The following STAG1 variants were observed in gnomAD, a reference collection of about 807,000 sequenced individuals.
STAG1 encodes the protein STAG1 cohesin complex component.
In STAG1, 26 loss-of-function variants were observed where a neutral mutation model predicts 170.9. The ratio of observed to expected loss-of-function variants is 0.15; its 90% CI spans 0.11 to 0.21. The LOEUF is 0.21. STAG1 is among the 10% of genes least tolerant of loss of function. STAG1 has a pLI of 1.00. For missense variants in STAG1, 964 were observed against 1,509.5 expected, an observed-to-expected ratio of 0.64 and a Z score of 5.99; for synonymous variants, 514 against 497.7, an observed-to-expected ratio of 1.03 and a Z score of -0.44.
chr3:136,529,710 A>G (rs780334917), intron 6 of STAG1, among the ~76,000 whole-genome samples: 10 of 152,210 alleles, frequency 6.6e-5, no homozygotes, highest in Middle Eastern at 3.2e-3. Flanking sequence ...ACACAAAAGT[A>G]TAAGTCTCAC....
intron 23 of STAG1, among the ~76,000 whole-genome samples, chr3:136,371,840 C>T (rs562686530): frequency 6.6e-6 from 1 of 152,288 alleles, no homozygotes; most frequent in African/African-American, 2.4e-5. Flanking sequence ...GCAATACAGG[C>T]TCTTTTTTGG....
At chr3:136,715,279 T>C (rs927376885) in intron 1 of STAG1, among the ~76,000 whole-genome samples, 2 of 150,958 alleles carry the variant, frequency 1.3e-5, no homozygotes, top group East Asian at 2.0e-4. Flanking sequence ...TCCCAAAGTG[T>C]TGGGATGACA....
intron 6 of STAG1, among the ~76,000 whole-genome samples, chr3:136,535,271 A>G (rs908487557): frequency 1.3e-5 from 2 of 152,224 alleles, no homozygotes; most frequent in African/African-American, 4.8e-5. Context: ...TTGGGTAAAT[A>G]GTTATAAACT....
chr3:136,616,765 A>G (rs1939617146), intron 3 of STAG1, among the ~76,000 whole-genome samples: 1 of 152,108 alleles, frequency 6.6e-6, no homozygotes, highest in South Asian at 2.1e-4. Context: ...CGGTGTGGTG[A>G]TGCATGACTG....
rs1342303215 is a variant in STAG1 at position 136,390,678 on chromosome 3, C to T, written c.2277+8071G>A. ...TAAAAATTTGTTCCTACAAGGATCACTATTATTTCTCACGCCTGGCCCCAC... is the reference window on the plus strand; with the variant it reads ...TAAAAATTTGTTCCTACAAGGATCATTATTATTTCTCACGCCTGGCCCCAC... On this transcript the variant is annotated intron_variant, in intron 22 of 33. Transcript: ENST00000383202. 3.3e-5 allele frequency among the ~76,000 whole-genome samples: 5 copies of T among 152,182 alleles called. No homozygotes were observed. In the East Asian group the frequency reaches 9.6e-4, roughly 29 times the overall value.
intron 4 of STAG1, among the ~76,000 whole-genome samples, chr3:136,584,483 T>C (rs1173537842): frequency 1.3e-5 from 2 of 152,204 alleles, no homozygotes; most frequent in Admixed American, 6.5e-5. Context: ...CTTGCCAGGA[T>C]TCCTACCACC....
intron 26 of STAG1, among the ~76,000 whole-genome samples, chr3:136,360,462 T>C (rs1341466190): frequency 6.6e-6 from 1 of 152,184 alleles, no homozygotes; most frequent in African/African-American, 2.4e-5. Context: ...CTGAAAAGTA[T>C]TGTTGACATT....
At chr3:136,651,193 C>A (rs748402910) in intron 1 of STAG1, among the ~76,000 whole-genome samples, 23 of 151,838 alleles carry the variant, frequency 1.5e-4, no homozygotes, top group Non-Finnish European at 3.1e-4. Context: ...AGTGAGCTCT[C>A]GTCTCTACAA....
intron 13 of STAG1, among the ~76,000 whole-genome samples, chr3:136,453,854 G>T (rs774843988): frequency 5.9e-5 from 9 of 151,440 alleles, no homozygotes; most frequent in Non-Finnish European, 1.2e-4. Flanking sequence ...AATAAAATGA[G>T]AATAATTTCA....
chr3:136,740,783 C>G (rs940310194), intron 1 of STAG1, among the ~76,000 whole-genome samples: 1 of 152,068 alleles, frequency 6.6e-6, no homozygotes, highest in African/African-American at 2.4e-5. Context: ...CCTAGCCAAG[C>G]GTTTTCTTAC....
intron 22 of STAG1, among the ~76,000 whole-genome samples, chr3:136,382,577 T>C (rs1938034465): frequency 1.3e-5 from 2 of 151,980 alleles, no homozygotes; most frequent in East Asian, 1.9e-4. Flanking sequence ...TACTATTTTT[T>C]TTCTTGTATT....
intron 6 of STAG1, among the ~76,000 whole-genome samples, chr3:136,529,269 T>C (rs1277323925): frequency 6.6e-6 from 1 of 152,182 alleles, no homozygotes; most frequent in Non-Finnish European, 1.5e-5. Flanking sequence ...TTCCCAAGTC[T>C]AGCAAGAGAT....
chr3:136,490,398 G>A (rs2107843759), intron 9 of STAG1, among the ~76,000 whole-genome samples: 1 of 152,132 alleles, frequency 6.6e-6, no homozygotes, highest in East Asian at 1.9e-4. Context: ...CATTTTTGTT[G>A]CTAATTATTA....
At chr3:136,422,904 A>G (rs1275868779) in intron 17 of STAG1, 47 bp from the exon 18 acceptor site, 15 of 1,588,356 alleles carry the variant, frequency 9.4e-6, no homozygotes, top group African/African-American at 2.7e-5. Flanking sequence ...TTAATAGTAC[A>G]ATGAAAGCAA....
chr3:136,600,351 T>C (rs975364816), intron 4 of STAG1, among the ~76,000 whole-genome samples: 2 of 152,168 alleles, frequency 1.3e-5, no homozygotes, highest in Non-Finnish European at 2.9e-5. Context: ...ATAAGCCCGA[T>C]TCGATTCTCC....
rs887229562 is a variant in STAG1 at position 136,686,442 on chromosome 3, A to T, written c.-83-55461T>A. Among the ~76,000 whole-genome samples the T allele has an allele frequency of 2.0e-5, 3 of 151,862 alleles. No homozygotes were observed. The South Asian group carries it at 6.3e-4, about 32-fold the overall frequency. On this transcript the variant is annotated intron_variant, in intron 1 of 33. Transcript: ENST00000383202. ...AGTTACAAAGAGGACAAAAGGAAAAACCCTCATGGCAGGTTTGCCTGGAGT... is the reference window on the plus strand; with the variant it reads ...AGTTACAAAGAGGACAAAAGGAAAATCCCTCATGGCAGGTTTGCCTGGAGT...
At chr3:136,531,184 G>A (rs931557692) in intron 6 of STAG1, among the ~76,000 whole-genome samples, 1 of 151,410 alleles carries the variant, frequency 6.6e-6, no homozygotes, top group African/African-American at 2.4e-5. Context: ...GGCCATCAGA[G>A]AAATGCAAAT....
At chr3:136,752,015 A>AGGCCCGCGCGGCCTCCCTCCCCCGCACGG (rs1249584464) in intron 1 of STAG1, among the ~76,000 whole-genome samples, 180 bp downstream of exon 1, 2 of 150,838 alleles carry the variant, frequency 1.3e-5, no homozygotes, top group South Asian at 2.1e-4. Flanking sequence ...CACCCCGCAC[A>AGGCCCGCGCGGCCTCCCTCCCCCGCACGG]GGCCCGCGCG....
chr3:136,385,743 C>G (rs1429596469), intron 22 of STAG1, among the ~76,000 whole-genome samples: 1 of 152,018 alleles, frequency 6.6e-6, no homozygotes, highest in Non-Finnish European at 1.5e-5. Flanking sequence ...ACTATGTCTC[C>G]CAGGCTGGAG....
Sources: gnomAD v4.1 joint callset for allele counts (sites outside exome capture counted in the v4.1 genomes callset) on GRCh38, gnomAD v4.1.1 for gene constraint, MANE v1.5 for transcripts, NCBI Gene and HGNC (gene_info 2026-07-23, HGNC 2026-07-21) for gene names.